UBAC2: variants seen among roughly 807,000 people sequenced by gnomAD.
UBAC2 encodes UBA domain containing 2.
Under a neutral mutation model 44.0 loss-of-function variants are expected in UBAC2, and 26 were observed. The observed-to-expected ratio is 0.59, with a 90% CI of 0.43 to 0.82. The LOEUF (loss-of-function observed/expected upper bound fraction) is 0.82, where lower values mean the gene tolerates loss of function less well. UBAC2 is among the 40% of genes least tolerant of loss of function. The pLI, the probability that UBAC2 is intolerant of heterozygous loss-of-function variation, is 0.00. For missense variants in UBAC2, 329 were observed against 419.4 expected, an observed-to-expected ratio of 0.78 and a Z score of 1.88; for synonymous variants, 155 against 154.3, an observed-to-expected ratio of 1.00 and a Z score of -0.04.
At chr13:99,255,815 C>A (rs752254725) in intron 4 of UBAC2, 17 of 1,608,656 alleles carry the variant, frequency 1.1e-5, no homozygotes, top group Non-Finnish European at 1.4e-5. Context: ...ATTTTGTATT[C>A]ATCTGGATGT....
chr13:99,273,280 TC>T (rs1235303424), intron 4 of UBAC2, among the ~76,000 whole-genome samples: 2 of 152,172 alleles, frequency 1.3e-5, no homozygotes, highest in Non-Finnish European at 2.9e-5. Context: ...GCCTCTTAGC[TC>T]ATGTTTCCCT....
chr13:99,255,096 C>A (rs143074994), intron 4 of UBAC2: 68 of 1,614,006 alleles, frequency 4.2e-5, no homozygotes, highest in Non-Finnish European at 5.3e-5. Flanking sequence ...TGTTCTCCCC[C>A]GTTCCCAGCA....
chr13:99,242,643 C>A (rs1170030503), intron 2 of UBAC2, among the ~76,000 whole-genome samples: 5 of 125,308 alleles, frequency 4.0e-5, no homozygotes, highest in African/African-American at 1.2e-4. Context: ...CTGACCCCCC[C>A]ACCTCCCTCC....
intron 2 of UBAC2, 36 bp downstream of exon 2, chr13:99,238,590 G>A (rs535837306): frequency 1.7e-5 from 26 of 1,487,352 alleles, no homozygotes; most frequent in South Asian, 8.7e-5. Context: ...AGAGGAGAGC[G>A]GACAGTTTTT....
intron 2 of UBAC2, among the ~76,000 whole-genome samples, chr13:99,242,419 C>T (rs2043316510): frequency 1.4e-5 from 2 of 143,710 alleles, no homozygotes; most frequent in Non-Finnish European, 3.1e-5. Flanking sequence ...CAGAGGCGCC[C>T]CTCACCTCCC....
chr13:99,371,621 A>AGTTATCTTAACATGTT (rs2045407867), intron 8 of UBAC2, among the ~76,000 whole-genome samples: 1 of 152,258 alleles, frequency 6.6e-6, no homozygotes, highest in African/African-American at 2.4e-5. Context: ...TGAATTAACA[A>AGTTATCTTAACATGTT]AAGCTTTTTT....
chr13:99,272,460 T>C (rs2043828167), intron 4 of UBAC2, among the ~76,000 whole-genome samples: 1 of 152,176 alleles, frequency 6.6e-6, no homozygotes, highest in Admixed American at 6.5e-5. Flanking sequence ...AGCAGGAATG[T>C]AGGGTCATAG....
intron 4 of UBAC2, among the ~76,000 whole-genome samples, chr13:99,254,304 C>G (rs2043501109): frequency 6.6e-6 from 1 of 152,128 alleles, no homozygotes; most frequent in Admixed American, 6.5e-5. Context: ...ATAGTAGGCT[C>G]TCAGTGTTTG....
chr13:99,377,499 G>A (rs1007970960), intron 8 of UBAC2: 1 of 149,274 alleles, frequency 6.7e-6, no homozygotes, highest in African/African-American at 2.6e-5. Flanking sequence ...CAGGGTTTCA[G>A]TGTGAGTTAA....
chr13:99,350,572 G>T (rs1231590255), intron 7 of UBAC2, among the ~76,000 whole-genome samples: 1 of 152,266 alleles, frequency 6.6e-6, no homozygotes, highest in Non-Finnish European at 1.5e-5. Context: ...GGGTGCCAGA[G>T]AGGGGCAGGG....
At chr13:99,209,235 G>A (rs1356398044) in intron 1 of UBAC2, among the ~76,000 whole-genome samples, 1 of 152,208 alleles carries the variant, frequency 6.6e-6, no homozygotes, top group East Asian at 1.9e-4. Context: ...AGGTGTGGCT[G>A]TACTCACAGC....
intron 7 of UBAC2, chr13:99,351,633 T>G (rs1226603083): frequency 2.2e-6 from 1 of 456,654 alleles, no homozygotes; most frequent in African/African-American, 2.0e-5. Flanking sequence ...TGATGAGAAT[T>G]CTGTTATATA....
At chr13:99,369,736 T>C (rs2045380934) in intron 8 of UBAC2, among the ~76,000 whole-genome samples, 2 of 152,214 alleles carry the variant, frequency 1.3e-5, no homozygotes, top group African/African-American at 4.8e-5. Context: ...GAAGAGAAAT[T>C]GGACACCACC....
At chr13:99,250,353 G>A (rs2043442445) in intron 4 of UBAC2, among the ~76,000 whole-genome samples, 1 of 152,112 alleles carries the variant, frequency 6.6e-6, no homozygotes, top group South Asian at 2.1e-4. Context: ...GAACTTTGTT[G>A]AATATCAGAT....
intron 6 of UBAC2, among the ~76,000 whole-genome samples, chr13:99,320,387 G>A (rs2138781698): frequency 6.6e-6 from 1 of 152,252 alleles, no homozygotes; most frequent in South Asian, 2.1e-4. Flanking sequence ...TTTCAGAAGG[G>A]TGAATAGAAT....
At chr13:99,293,550 T>A (rs992708013) in intron 4 of UBAC2, among the ~76,000 whole-genome samples, 1 of 152,216 alleles carries the variant, frequency 6.6e-6, no homozygotes, top group African/African-American at 2.4e-5. Flanking sequence ...TTCCTTCACT[T>A]GGGAAAGTTT....
At chr13:99,314,259 GA>G (rs752002335) in intron 5 of UBAC2, 39 bp downstream of exon 5, 2 of 1,063,196 alleles carry the variant, frequency 1.9e-6, no homozygotes, top group Non-Finnish European at 2.5e-6. Context: ...TCTTTAACCA[GA>G]TCTTTTTTTT....
chr13:99,244,991 C>T lies in UBAC2; in HGVS notation c.389+367C>T, dbSNP rs2043365663. Among the ~76,000 whole-genome samples the T allele has an allele frequency of 3.9e-5, 6 of 152,160 alleles. No individual in the cohort carries two copies. In the South Asian group the frequency reaches 1.2e-3, roughly 32 times the overall value. Reference sequence around the variant, plus strand: ...GGGACTACAGGCACGTGCCACCATGCCTGGCTAATTTTTGTATTTTTTAGT... The same window carrying T: ...GGGACTACAGGCACGTGCCACCATGTCTGGCTAATTTTTGTATTTTTTAGT... On this transcript the variant is annotated intron_variant, in intron 4 of 8. Coordinates refer to ENST00000403766, the MANE Select transcript of UBAC2 (RefSeq NM_001144072.2).
chr13:99,273,835 C>G (rs553637179), intron 4 of UBAC2, among the ~76,000 whole-genome samples: 3 of 150,080 alleles, frequency 2.0e-5, no homozygotes, highest in East Asian at 1.9e-4. Flanking sequence ...CCTAGATGTT[C>G]AGTCTCCTGG....
Sources: gnomAD v4.1 joint callset for allele counts (sites outside exome capture counted in the v4.1 genomes callset) on GRCh38, gnomAD v4.1.1 for gene constraint, MANE v1.5 for transcripts, NCBI Gene and HGNC (gene_info 2026-07-23, HGNC 2026-07-21) for gene names.